The following CDON variants were observed in gnomAD, a reference collection of about 807,000 sequenced individuals.
CDON encodes the protein cell adhesion molecule-related/down-regulated by oncogenes.
A neutral mutation model predicts 120.9 loss-of-function variants in CDON; 73 were observed. The ratio of observed to expected loss-of-function variants is 0.60; its 90% CI spans 0.50 to 0.73. The LOEUF is 0.73. Among genes scored for constraint, CDON ranks in the 30% least tolerant of loss-of-function variants. CDON has a pLI of 0.00. For synonymous variants in CDON, 566 were observed against 573.5 expected, an observed-to-expected ratio of 0.99 and a Z score of 0.19; for missense variants, 1,470 against 1,587.3, an observed-to-expected ratio of 0.93 and a Z score of 1.26.
At chr11:126,052,591 G>A (rs568315039) in intron 1 of CDON, among the ~76,000 whole-genome samples, 2 of 152,298 alleles carry the variant, frequency 1.3e-5, no homozygotes, top group East Asian at 3.9e-4. Flanking sequence ...GGGAGGACAA[G>A]GTGGGTGGAT....
Position 126,017,145 on chromosome 11 carries a change from T to C in CDON, c.871A>G (p.Met291Val), listed in dbSNP as rs1947492283. 2.5e-6 allele frequency: 4 copies of C among 1,614,034 alleles called. No homozygotes were observed. In the South Asian group the frequency reaches 4.4e-5, roughly 18 times the overall value. ...ACATCTCCAGACTTGTTTCCCGCCA[T>C]GCAGGAATAGTTTCCGGAGTCCGCC... is the stretch of plus-strand genomic sequence containing the variant. ...DPADSGNYSC[M>V]AGNKSGDVKY... The change falls in exon 6 of 20, where the codon ATG (methionine) becomes GTG (valine). Residue 291 changes from methionine (M) to valine (V), a missense_variant. Transcript: ENST00000531738.
intron 18 of CDON, among the ~76,000 whole-genome samples, chr11:125,968,062 A>G (rs1040906920): frequency 9.2e-5 from 14 of 152,194 alleles, no homozygotes; most frequent in Non-Finnish European, 1.5e-4. Context: ...CAGATCAGAA[A>G]GAAAAGTTTT....
At chr11:125,992,746 A>T (rs1946666336) in intron 14 of CDON, among the ~76,000 whole-genome samples, 1 of 152,252 alleles carries the variant, frequency 6.6e-6, no homozygotes, top group Non-Finnish European at 1.5e-5. Context: ...TATTTTAAGA[A>T]ATGTGATACA....
chr11:126,027,588 A>G (rs1947826942), intron 1 of CDON, among the ~76,000 whole-genome samples: 1 of 152,244 alleles, frequency 6.6e-6, no homozygotes, highest in South Asian at 2.1e-4. Flanking sequence ...TTTGTTTGAC[A>G]AAGTTTACCA....
intron 1 of CDON, among the ~76,000 whole-genome samples, chr11:126,035,200 A>G (rs955321872): frequency 6.6e-6 from 1 of 152,220 alleles, no homozygotes; most frequent in Non-Finnish European, 1.5e-5. Flanking sequence ...ACTCATTTCC[A>G]TGAAGTACAT....
chr11:126,015,104 G>C, intron 7 of CDON, 137 bp downstream of exon 7: 1 of 834,558 alleles, frequency 1.2e-6, no homozygotes, highest in Non-Finnish European at 2.0e-6. Flanking sequence ...CACTAGCCAG[G>C]ACCATGGAAA....
chr11:126,000,756 A>T (rs991689009), intron 11 of CDON, among the ~76,000 whole-genome samples: 5 of 152,198 alleles, frequency 3.3e-5, no homozygotes, highest in African/African-American at 1.2e-4. Flanking sequence ...GGTGCTTCGG[A>T]GGGAGTTCAA....
At chr11:126,036,439 A>G (rs1452655608) in intron 1 of CDON, among the ~76,000 whole-genome samples, 1 of 152,228 alleles carries the variant, frequency 6.6e-6, no homozygotes, top group African/African-American at 2.4e-5. Flanking sequence ...CAGTTTCCCA[A>G]GGTAACTGGC....
At chr11:126,002,243 C>A (rs116781226) in intron 10 of CDON, among the ~76,000 whole-genome samples, 2,571 of 152,252 alleles carry the variant, frequency 0.017, 81 homozygotes, top group African/African-American at 0.059. Context: ...AAAAGCCTCA[C>A]ATTGTTTTAA....
intron 12 of CDON, among the ~76,000 whole-genome samples, chr11:125,995,344 A>G (rs1946751407): frequency 6.6e-6 from 1 of 152,232 alleles, no homozygotes; most frequent in South Asian, 2.1e-4. Flanking sequence ...AGAAGCAGGT[A>G]GAGAATAGGA....
chr11:126,059,949 A>C (rs1948757831), intron 1 of CDON, among the ~76,000 whole-genome samples: 1 of 152,006 alleles, frequency 6.6e-6, no homozygotes, highest in Admixed American at 6.5e-5. Flanking sequence ...AAAAAAACCA[A>C]GAAACCAGTT....
intron 1 of CDON, among the ~76,000 whole-genome samples, chr11:126,052,027 GGAA>G: frequency 6.6e-6 from 1 of 152,108 alleles, no homozygotes; most frequent in African/African-American, 2.4e-5. Flanking sequence ...TAGCCTAATA[GGAA>G]ACCACAGTTA....
chr11:125,977,115 A>G (rs1946169664), intron 18 of CDON, among the ~76,000 whole-genome samples: 1 of 152,266 alleles, frequency 6.6e-6, no homozygotes, highest in African/African-American at 2.4e-5. Context: ...AAACTACGGT[A>G]AAGTCCATGA....
chr11:126,060,312 G>T (rs1948765270), intron 1 of CDON, among the ~76,000 whole-genome samples: 1 of 152,092 alleles, frequency 6.6e-6, no homozygotes, highest in South Asian at 2.1e-4. Context: ...TTAAAGGGGG[G>T]CTACCATGTA....
At chr11:125,981,970 C>CTTTTTTT (rs61446837) in intron 16 of CDON, among the ~76,000 whole-genome samples, 681 of 54,290 alleles carry the variant, frequency 0.013, 113 homozygotes, top group Middle Eastern at 0.019. Flanking sequence ...ATTCTATTTT[C>CTTTTTTT]TTTTTTTTTT....
chr11:125,973,018 C>CTTTTTTTTTTTTT (rs35828939), intron 18 of CDON, among the ~76,000 whole-genome samples: 966 of 87,020 alleles, frequency 0.011, 77 homozygotes, highest in Non-Finnish European at 0.015. Flanking sequence ...ATTACTTGGT[C>CTTTTTTTTTTTTT]TTTTTTTTTT....
At chr11:126,048,120 T>C (rs1056533914) in intron 1 of CDON, among the ~76,000 whole-genome samples, 1 of 151,646 alleles carries the variant, frequency 6.6e-6, no homozygotes, top group African/African-American at 2.4e-5. Context: ...TTACTAAAAA[T>C]ACAAAAATTA....
At chr11:126,003,326 C>T (rs1345141174) in intron 10 of CDON, among the ~76,000 whole-genome samples, 1 of 152,148 alleles carries the variant, frequency 6.6e-6, no homozygotes, top group East Asian at 1.9e-4. Context: ...TAAGCTCTGT[C>T]GGGATGGATC....
intron 17 of CDON, among the ~76,000 whole-genome samples, chr11:125,979,457 G>A (rs143408878): frequency 1.4e-4 from 22 of 152,148 alleles, no homozygotes; most frequent in Middle Eastern, 3.4e-3. Context: ...TGTGACTTAC[G>A]GATTCTCTGA....
Sources: gnomAD v4.1 joint callset for allele counts (sites outside exome capture counted in the v4.1 genomes callset) on GRCh38, gnomAD v4.1.1 for gene constraint, MANE v1.5 for transcripts, NCBI Gene and HGNC (gene_info 2026-07-23, HGNC 2026-07-21) for gene names.